MAGI2: variants seen among roughly 807,000 people sequenced by gnomAD.
The protein encoded by MAGI2 is membrane associated guanylate kinase, WW and PDZ domain containing 2.
A neutral mutation model predicts 133.3 loss-of-function variants in MAGI2; 35 were observed. That is an observed-to-expected ratio of 0.26 (90% CI 0.20 to 0.35). The LOEUF (loss-of-function observed/expected upper bound fraction) is 0.35. Ranked by LOEUF, MAGI2 falls within the 10% of genes least tolerant of loss-of-function variation. The pLI is 1.00. For synonymous variants in MAGI2, 729 were observed against 710.6 expected (o/e 1.03, Z -0.41); for missense variants, 1,636 against 1,863.4 (o/e 0.88, Z 2.25).
chr7:78,530,660 C>T (rs1325853444), intron 3 of MAGI2, among the ~76,000 whole-genome samples: 1 of 152,118 alleles, frequency 6.6e-6, no homozygotes, highest in Non-Finnish European at 1.5e-5. Context: ...CCATCGTGTT[C>T]AGTACCCAGT....
At chr7:78,727,172 A>T (rs947323701) in intron 2 of MAGI2, among the ~76,000 whole-genome samples, 5 of 152,210 alleles carry the variant, frequency 3.3e-5, no homozygotes, top group South Asian at 4.1e-4. Context: ...AAAGCAATGG[A>T]AGTAGACACA....
intron 2 of MAGI2, among the ~76,000 whole-genome samples, chr7:78,733,426 C>T (rs1821557432): frequency 6.6e-6 from 1 of 152,144 alleles, no homozygotes; most frequent in Non-Finnish European, 1.5e-5. Flanking sequence ...AAAATATTTA[C>T]AATTGTGTGG....
intron 1 of MAGI2, among the ~76,000 whole-genome samples, chr7:79,391,034 G>T (rs1844564477): frequency 6.6e-6 from 1 of 152,116 alleles, no homozygotes; most frequent in South Asian, 2.1e-4. Context: ...TACACGAAAT[G>T]TAGCTACAGA....
intron 20 of MAGI2, among the ~76,000 whole-genome samples, chr7:78,090,209 T>TA (rs1470407454): frequency 4.6e-5 from 7 of 152,222 alleles, no homozygotes. Context: ...CCACTGCTCT[T>TA]ACAGCTATGC....
At chr7:79,152,371 T>C (rs1234076598) in intron 1 of MAGI2, among the ~76,000 whole-genome samples, 3 of 152,198 alleles carry the variant, frequency 2.0e-5, no homozygotes, top group Admixed American at 6.5e-5. Flanking sequence ...TGCTTTTTGG[T>C]AGGAAGGATT....
chr7:78,924,636 G>A (rs939050722), intron 2 of MAGI2, among the ~76,000 whole-genome samples: 5 of 152,032 alleles, frequency 3.3e-5, no homozygotes, highest in Admixed American at 6.6e-5. Flanking sequence ...TGTTCATCAA[G>A]GATATTGGTC....
At chr7:79,049,913 A>G (rs1812517400) in intron 1 of MAGI2, among the ~76,000 whole-genome samples, 1 of 152,124 alleles carries the variant, frequency 6.6e-6, no homozygotes, top group Non-Finnish European at 1.5e-5. Context: ...CACTAAATAC[A>G]CATATTTTGT....
intron 1 of MAGI2, among the ~76,000 whole-genome samples, chr7:79,009,852 A>G (rs1646549876): frequency 6.6e-6 from 1 of 152,168 alleles, no homozygotes; most frequent in African/African-American, 2.4e-5. Context: ...ACTGGAGTAG[A>G]GGTTAGAAAC....
chr7:79,342,800 C>A (rs1158210192), intron 1 of MAGI2, among the ~76,000 whole-genome samples: 1 of 151,896 alleles, frequency 6.6e-6, no homozygotes, highest in Non-Finnish European at 1.5e-5. Flanking sequence ...GCTTTTGTTG[C>A]CCAAGGTGGA....
intron 6 of MAGI2, among the ~76,000 whole-genome samples, chr7:78,414,326 A>G (rs1364594724): frequency 2.0e-5 from 3 of 152,038 alleles, no homozygotes; most frequent in Non-Finnish European, 4.4e-5. Flanking sequence ...AAAGCAGAAT[A>G]TCAGACAGAA....
At chr7:78,139,585 G>A (rs562205913) in intron 16 of MAGI2, among the ~76,000 whole-genome samples, 20 of 152,286 alleles carry the variant, frequency 1.3e-4, no homozygotes, top group South Asian at 2.1e-4. Context: ...GGGAACTGCC[G>A]GAGCACAGTC....
chr7:78,048,590 G>C (rs1022373738), intron 21 of MAGI2, among the ~76,000 whole-genome samples: 6 of 152,222 alleles, frequency 3.9e-5, no homozygotes, highest in African/African-American at 1.4e-4. Context: ...TCTTAATTTA[G>C]ATTTTCCTCC....
chr7:79,052,732 T>C (rs1812788883), intron 1 of MAGI2, among the ~76,000 whole-genome samples: 1 of 152,206 alleles, frequency 6.6e-6, no homozygotes, highest in African/African-American at 2.4e-5. Context: ...AATTAACATA[T>C]TTACACATTA....
At position 78,584,421 on chromosome 7, in the gene MAGI2, G is replaced by GAA. The variant is rs57844382; in HGVS notation, c.538+42697_538+42698dup. 1.3e-3 allele frequency among the ~76,000 whole-genome samples: 112 copies of GAA among 83,944 alleles called. 9 individuals carry two copies. The highest frequency in any genetic ancestry group is 4.2e-3 in the African/African-American group (96 of 23,120). 55.1% of individuals were successfully genotyped at this position (83,944 alleles called of 152,430 possible). A position where few individuals can be genotyped will look rare whatever the true frequency, so the allele number is the denominator to read the frequency against. On this transcript the variant is annotated intron_variant, in intron 3 of 21. Coordinates refer to ENST00000354212, the MANE Select transcript of MAGI2 (RefSeq NM_012301.4). Reference sequence around the variant, plus strand: ...GGTGACAGAGTGAGACTCCGTCTCAGAAAAAAAAAAAAAAAAAAAAAAAAA... The same window carrying GAA: ...GGTGACAGAGTGAGACTCCGTCTCAGAAAAAAAAAAAAAAAAAAAAAAAAAAA...
intron 1 of MAGI2, among the ~76,000 whole-genome samples, chr7:79,268,821 G>T (rs926667775): frequency 2.0e-5 from 3 of 152,254 alleles, no homozygotes; most frequent in South Asian, 4.1e-4. Flanking sequence ...TTCACAGGGG[G>T]TCGCTGTGCT....
intron 1 of MAGI2, among the ~76,000 whole-genome samples, chr7:79,167,940 C>T (rs1825108769): frequency 6.6e-6 from 1 of 152,058 alleles, no homozygotes; most frequent in South Asian, 2.1e-4. Flanking sequence ...GGGTGGTAAA[C>T]CGCTTAAAGG....
intron 1 of MAGI2, among the ~76,000 whole-genome samples, chr7:79,383,035 G>T (rs1183425308): frequency 2.6e-5 from 4 of 151,486 alleles, no homozygotes; most frequent in Admixed American, 1.3e-4. Flanking sequence ...AAGATGACAG[G>T]ACCAAAAGAA....
chr7:78,623,296 T>TA (rs1358932812), intron 3 of MAGI2, among the ~76,000 whole-genome samples: 1 of 144,234 alleles, frequency 6.9e-6, no homozygotes, highest in Non-Finnish European at 1.5e-5. Context: ...ACATAAGTGA[T>TA]ATTTAAATAA....
At chr7:78,778,966 G>A (rs945010161) in intron 2 of MAGI2, among the ~76,000 whole-genome samples, 1 of 146,100 alleles carries the variant, frequency 6.8e-6, no homozygotes, top group Non-Finnish European at 1.5e-5. Context: ...GAGTGCAGTG[G>A]TGTGATCTCA....
Sources: gnomAD v4.1 joint callset for allele counts (sites outside exome capture counted in the v4.1 genomes callset) on GRCh38, gnomAD v4.1.1 for gene constraint, MANE v1.5 for transcripts, NCBI Gene and HGNC (gene_info 2026-07-23, HGNC 2026-07-21) for gene names.